The following DMD variants were observed in gnomAD, a reference collection of about 807,000 sequenced individuals.
DMD encodes the protein mutant dystrophin.
In DMD, 63 loss-of-function variants were observed where a neutral mutation model predicts 330.1. The ratio of observed to expected loss-of-function variants is 0.19; its 90% CI spans 0.16 to 0.24. The LOEUF is 0.24. Among genes scored for constraint, DMD ranks in the 10% least tolerant of loss-of-function variants. The probability of loss-of-function intolerance (pLI) is 1.00; values close to 1 mark genes in which losing one functional copy is unlikely to be tolerated. For synonymous variants in DMD, 1,223 were observed against 959.8 expected, an observed-to-expected ratio of 1.27 and a Z score of -5.07; for missense variants, 3,344 against 2,684.1, an observed-to-expected ratio of 1.25 and a Z score of -5.43.
Position 31,936,289 on chromosome X carries a change from T to C in DMD, c.6615-4062A>G, listed in dbSNP as rs748914528. Among the ~76,000 whole-genome samples the C allele has an allele frequency of 9.0e-5, 10 of 111,681 alleles. No individual in the cohort carries two copies. The East Asian group carries it at 1.7e-3, about 19-fold the overall frequency. The stretch of plus-strand genomic sequence containing the variant: ...ACAATGGGAATCCTAAGGATTTAGA[T>C]ACACATTGTTGAATTTCTGTCAAGG... On this transcript the variant is annotated intron_variant, in intron 45 of 78. Coordinates refer to ENST00000357033, the MANE Select transcript of DMD (RefSeq NM_004006.3).
At chrX:32,504,571 G>A (rs927405258) in intron 18 of DMD, among the ~76,000 whole-genome samples, 4 of 108,740 alleles carry the variant, frequency 3.7e-5, no homozygotes, top group African/African-American at 1.3e-4. Context: ...AGGTTGCAGT[G>A]AGCCGAGATC....
chrX:31,332,973 A>G (rs1330124478), intron 61 of DMD, among the ~76,000 whole-genome samples: 1 of 111,819 alleles, frequency 8.9e-6, no homozygotes, highest in Non-Finnish European at 1.9e-5. Flanking sequence ...AGTTAAACTG[A>G]CTGTTAACCA....
intron 4 of DMD, among the ~76,000 whole-genome samples, chrX:32,838,887 A>G (rs1398952720): frequency 2.7e-5 from 3 of 111,907 alleles, no homozygotes; most frequent in Non-Finnish European, 5.6e-5. Context: ...AGGATCTGGA[A>G]CTAGAAATAC....
At chrX:32,841,693 A>G (rs189210932) in intron 4 of DMD, among the ~76,000 whole-genome samples, 32 of 112,223 alleles carry the variant, frequency 2.9e-4, no homozygotes, top group African/African-American at 1.0e-3. Flanking sequence ...GCAATAATCA[A>G]TTTCAGGTAA....
chrX:32,472,412 T>C (rs1829405378), intron 21 of DMD, 103 bp from the exon 22 acceptor site: 1 of 799,764 alleles, frequency 1.3e-6, no homozygotes, highest in African/African-American at 2.1e-5. Context: ...TAGTTTCAAA[T>C]ATTAACAAAA....
At chrX:33,105,914 T>G (rs927560431) in intron 1 of DMD, among the ~76,000 whole-genome samples, 1 of 111,526 alleles carries the variant, frequency 9.0e-6, no homozygotes, top group African/African-American at 3.3e-5. Context: ...CGAATCCTAA[T>G]ACTGCATATC....
At chrX:31,483,712 A>G (rs2068563835) in intron 57 of DMD, among the ~76,000 whole-genome samples, 1 of 112,571 alleles carries the variant, frequency 8.9e-6, no homozygotes. Flanking sequence ...GTATCTTTAG[A>G]ATTTCAAAAG....
intron 41 of DMD, among the ~76,000 whole-genome samples, chrX:32,321,351 T>G (rs933686327): frequency 3.6e-5 from 4 of 111,473 alleles, no homozygotes; most frequent in African/African-American, 1.3e-4. Flanking sequence ...AGAATGATGA[T>G]GAACTGGTGA....
chrX:31,918,360 C>A (rs1160565739), intron 47 of DMD, among the ~76,000 whole-genome samples: 2 of 111,174 alleles, frequency 1.8e-5, no homozygotes, highest in African/African-American at 6.5e-5. Context: ...GAACCTGGGT[C>A]TAGACTGAGT....
At chrX:32,590,722 G>T (rs1204415457) in intron 13 of DMD, among the ~76,000 whole-genome samples, 2 of 111,242 alleles carry the variant, frequency 1.8e-5, no homozygotes, top group African/African-American at 3.3e-5. Flanking sequence ...ATTTCCCAGG[G>T]GCTCTAAGGC....
intron 7 of DMD, among the ~76,000 whole-genome samples, chrX:32,726,317 A>C (rs1375428984): frequency 9.0e-6 from 1 of 111,427 alleles, no homozygotes; most frequent in Non-Finnish European, 1.9e-5. Flanking sequence ...TTGAATCTGT[A>C]CTAAAATATA....
At chrX:32,836,864 A>C (rs2079684577) in intron 4 of DMD, among the ~76,000 whole-genome samples, 1 of 112,353 alleles carries the variant, frequency 8.9e-6, no homozygotes, top group Non-Finnish European at 1.9e-5. Flanking sequence ...TTGCCCGTTT[A>C]TAATTTGTGT....
intron 53 of DMD, among the ~76,000 whole-genome samples, chrX:31,677,100 G>T (rs777738767): frequency 3.6e-5 from 4 of 110,608 alleles, no homozygotes; most frequent in Admixed American, 1.9e-4. Flanking sequence ...GTTTGACAAA[G>T]GATAGCAATT....
rs386416845 is a variant in DMD, at chrX:31,121,442, ATGTGTG to A, written c.*471_*476del. ...CTCAAAGTTTTGTGTGTGTGTGTGTATGTGTGTGTGTGTGTGTTTGTTTTGTTTTTA... is the reference window on the plus strand; with the variant it reads ...CTCAAAGTTTTGTGTGTGTGTGTGTATGTGTGTGTGTTTGTTTTGTTTTTA... On this transcript the variant is annotated 3_prime_UTR_variant, in exon 79 of 79. Transcript: ENST00000357033. The A allele has an allele frequency of 6.7e-4, 86 of 127,854 alleles. No individual in the cohort carries two copies. The highest frequency in any genetic ancestry group is 1.1e-3 in the African/African-American group (30 of 28,020). 10.5% of individuals were successfully genotyped at this position (127,854 alleles called of 1,213,427 possible).
chrX:31,159,328 T>C (rs1268426182), intron 74 of DMD, among the ~76,000 whole-genome samples: 1 of 111,352 alleles, frequency 9.0e-6, no homozygotes, highest in Non-Finnish European at 1.9e-5. Context: ...TACCAGGAAA[T>C]TACAGGAAAA....
At chrX:32,532,417 C>T (rs1368819207) in intron 17 of DMD, among the ~76,000 whole-genome samples, 1 of 111,931 alleles carries the variant, frequency 8.9e-6, no homozygotes, top group Non-Finnish European at 1.9e-5. Flanking sequence ...CTTATTACAA[C>T]ATAGCAAGGC....
At chrX:32,775,471 T>C (rs994525723) in intron 7 of DMD, among the ~76,000 whole-genome samples, 2 of 113,154 alleles carry the variant, frequency 1.8e-5, no homozygotes, top group African/African-American at 6.4e-5. Flanking sequence ...TCTAGACATC[T>C]AGGCAGAGGT....
chrX:31,877,284 T>G (rs2093982800), intron 47 of DMD, among the ~76,000 whole-genome samples: 1 of 112,153 alleles, frequency 8.9e-6, no homozygotes, highest in African/African-American at 3.2e-5. Flanking sequence ...AGTCTGGGAC[T>G]GACCCTAGGC....
At chrX:32,280,188 C>T (rs553975) in intron 43 of DMD, among the ~76,000 whole-genome samples, 67 of 22,938 alleles carry the variant, frequency 2.9e-3, no homozygotes, top group South Asian at 0.011. Flanking sequence ...TATATATATA[C>T]ACACTATGTA....
Sources: allele counts gnomAD v4.1 joint callset (sites outside exome capture counted in the v4.1 genomes callset), GRCh38; gene constraint gnomAD v4.1.1; transcripts MANE v1.5; gene names NCBI Gene and HGNC (gene_info 2026-07-23, HGNC 2026-07-21).